Variants in DENND1A observed in about 807,000 individuals in gnomAD.
The protein encoded by DENND1A is DENN domain-containing protein 1A.
DENND1A carries 51 observed loss-of-function variants against 113.7 expected under a neutral mutation model. The observed-to-expected ratio is 0.45, with a 90% confidence interval of 0.36 to 0.57. The LOEUF is 0.57. DENND1A is among the 20% of genes least tolerant of loss of function. DENND1A has a pLI of 0.00. For synonymous variants in DENND1A, 565 were observed against 570.8 expected (o/e 0.99, Z 0.14); for missense variants, 1,258 against 1,395.9 (o/e 0.90, Z 1.57).
chr9:123,812,277 A>G (rs753513342), intron 2 of DENND1A, among the ~76,000 whole-genome samples: 4 of 152,302 alleles, frequency 2.6e-5, no homozygotes, highest in Non-Finnish European at 5.9e-5. Context: ...TTTGAGAATT[A>G]CTCATGTTGC....
chr9:123,846,750 G>A (rs1842676645), intron 2 of DENND1A, among the ~76,000 whole-genome samples: 1 of 152,162 alleles, frequency 6.6e-6, no homozygotes, highest in Admixed American at 6.5e-5. Context: ...TATTTGAGGT[G>A]TTGAAAAGAT....
intron 16 of DENND1A, among the ~76,000 whole-genome samples, chr9:123,454,190 G>C (rs1318809256): frequency 1.3e-5 from 2 of 152,192 alleles, no homozygotes; most frequent in African/African-American, 4.8e-5. Flanking sequence ...GTACCCAGCA[G>C]GGTGCCTGGC....
intron 21 of DENND1A, chr9:123,401,470 A>T: frequency 1.7e-6 from 2 of 1,151,328 alleles, no homozygotes; most frequent in Non-Finnish European, 2.2e-6. Flanking sequence ...AACCCTTGGA[A>T]TGATGTCCTG....
intron 13 of DENND1A, among the ~76,000 whole-genome samples, chr9:123,519,887 C>T (rs2564361): frequency 0.6 from 91,723 of 151,818 alleles, 28,971 homozygotes; most frequent in East Asian, 0.71. Flanking sequence ...AGGCTGGGCG[C>T]GGTGGCTCAC....
chr9:123,827,727 T>C (rs1052998507), intron 2 of DENND1A, among the ~76,000 whole-genome samples: 23 of 152,106 alleles, frequency 1.5e-4, no homozygotes, highest in African/African-American at 5.3e-4. Context: ...TGCTTTAGGC[T>C]TTGGGTTGGA....
intron 7 of DENND1A, 62 bp from the exon 8 acceptor site, chr9:123,667,141 G>A: frequency 6.8e-7 from 1 of 1,472,422 alleles, no homozygotes; most frequent in Admixed American, 2.2e-5. Context: ...GCATTACTCA[G>A]AATTCAGGTA....
At chr9:123,395,997 G>A (rs944478167) in intron 21 of DENND1A, among the ~76,000 whole-genome samples, 7 of 151,906 alleles carry the variant, frequency 4.6e-5, no homozygotes, top group African/African-American at 1.7e-4. Context: ...GTGTGTGTGT[G>A]CACGCGTGTG....
In DENND1A at chr9:123,380,331, G is replaced by A. The variant is rs915670725; in HGVS notation, c.*1101C>T. 2 of 152,572 alleles carry A rather than the reference G, an allele frequency of 1.3e-5. No homozygotes were observed. Among genetic ancestry groups the A allele is most frequent in the African/African-American group, 4.8e-5 (2 of 41,462 alleles). 9.5% of individuals were successfully genotyped at this position (152,572 alleles called of 1,614,324 possible). On this transcript the variant is annotated 3_prime_UTR_variant, in exon 24 of 24. Transcript: ENST00000394215. ...GATAATAAACATTCAATCTAACTTT[G>A]GTGACGTTGGCCTCAGGAATTTCTG...
chr9:123,586,254 C>T (rs972575111), intron 11 of DENND1A, among the ~76,000 whole-genome samples: 4 of 152,018 alleles, frequency 2.6e-5, no homozygotes, highest in African/African-American at 9.7e-5. Flanking sequence ...GCTGAATGGC[C>T]CCATGAATGG....
chr9:123,731,461 A>T (rs1244834105), intron 5 of DENND1A, among the ~76,000 whole-genome samples: 1 of 152,216 alleles, frequency 6.6e-6, no homozygotes, highest in East Asian at 1.9e-4. Context: ...AATCGAGAAA[A>T]GATGGTCTTT....
intron 1 of DENND1A, among the ~76,000 whole-genome samples, chr9:123,921,123 G>C (rs1588264347): frequency 6.6e-6 from 1 of 152,130 alleles, no homozygotes; most frequent in East Asian, 1.9e-4. Context: ...CTATAAAAAG[G>C]AACATACTTG....
At chr9:123,587,114 C>T (rs2059211638) in intron 11 of DENND1A, among the ~76,000 whole-genome samples, 1 of 151,310 alleles carries the variant, frequency 6.6e-6, no homozygotes, top group Non-Finnish European at 1.5e-5. Flanking sequence ...ACTGGATATA[C>T]CAGCATTTAT....
intron 11 of DENND1A, among the ~76,000 whole-genome samples, chr9:123,601,964 G>A (rs1212995018): frequency 6.6e-6 from 1 of 152,188 alleles, no homozygotes; most frequent in East Asian, 1.9e-4. Context: ...CCCAGGACAG[G>A]TGGGGACTCT....
At chr9:123,570,113 A>G (rs1018218020) in intron 12 of DENND1A, among the ~76,000 whole-genome samples, 2 of 152,188 alleles carry the variant, frequency 1.3e-5, no homozygotes, top group Non-Finnish European at 2.9e-5. Flanking sequence ...CAGTGTGCTC[A>G]TCGCTCCTTT....
At chr9:123,788,407 G>T (rs1283112665) in intron 3 of DENND1A, among the ~76,000 whole-genome samples, 1 of 152,050 alleles carries the variant, frequency 6.6e-6, no homozygotes, top group Non-Finnish European at 1.5e-5. Flanking sequence ...TGATGAGAGT[G>T]GTGACCATAA....
At position 123,685,692 on chromosome 9, in the gene DENND1A, G is replaced by A. The variant is rs920113116; in HGVS notation, c.303-8903C>T. The stretch of plus-strand genomic sequence containing the variant: ...ACAGAGGCACTTTTCTGTTATCACC[G>A]GTGAAGTGTTGGTAACATGAGATCT... On this transcript the variant is annotated intron_variant, in intron 5 of 23. Transcript: ENST00000394215. Among the ~76,000 whole-genome samples the A allele has an allele frequency of 1.4e-4, 22 of 152,206 alleles. No individual in the cohort carries two copies. The East Asian group carries it at 1.5e-3, about 11-fold the overall frequency.
chr9:123,439,183 GA>G (rs1352941705), intron 19 of DENND1A, among the ~76,000 whole-genome samples: 1 of 152,192 alleles, frequency 6.6e-6, no homozygotes, highest in Non-Finnish European at 1.5e-5. Flanking sequence ...AGTGCAATTT[GA>G]AAATACTTAT....
intron 11 of DENND1A, among the ~76,000 whole-genome samples, chr9:123,608,416 T>C (rs2060267282): frequency 1.3e-5 from 2 of 151,986 alleles, no homozygotes; most frequent in African/African-American, 2.4e-5. Flanking sequence ...CAGACGGACA[T>C]GGCTGTAGAT....
At chr9:123,796,096 T>A (rs898097083) in intron 2 of DENND1A, among the ~76,000 whole-genome samples, 4 of 152,038 alleles carry the variant, frequency 2.6e-5, no homozygotes, top group Admixed American at 2.6e-4. Flanking sequence ...AGGAAAAAAA[T>A]ATTGTATTTA....
Sources: allele counts gnomAD v4.1 joint callset (sites outside exome capture counted in the v4.1 genomes callset), GRCh38; gene constraint gnomAD v4.1.1; transcripts MANE v1.5; gene names NCBI Gene and HGNC (gene_info 2026-07-23, HGNC 2026-07-21).